WRN: variants seen among roughly 807,000 people sequenced by gnomAD.
WRN encodes WRN RecQ like helicase.
Under a neutral mutation model 180.7 loss-of-function variants are expected in WRN, and 149 were observed. The observed-to-expected ratio is 0.82, with a 90% CI of 0.72 to 0.94. The LOEUF (loss-of-function observed/expected upper bound fraction) is 0.94. Among genes scored for constraint, WRN ranks in the 40% least tolerant of loss-of-function variants. The pLI, the probability that WRN is intolerant of heterozygous loss-of-function variation, is 0.00. For missense variants in WRN, 1,661 were observed against 1,700.1 expected (o/e 0.98, Z 0.40); for synonymous variants, 548 against 568.9 (o/e 0.96, Z 0.52).
At position 31,116,529 on chromosome 8, in the gene WRN, G is replaced by A. The variant is rs2130306367; in HGVS notation, c.2448+1G>A. ...TAGGTTTGTAAGAGATGAAATTCAG[G>A]TATGAGGATCAATCATCATTGCTCT... On this transcript the variant is annotated splice_donor_variant, in intron 20 of 34. Transcript: ENST00000298139. LOFTEE classifies it high-confidence loss of function. The A allele has an allele frequency of 1.9e-6, 3 of 1,613,654 alleles. No homozygotes were observed. The highest frequency in any genetic ancestry group is 1.7e-6 in the Non-Finnish European group (2 of 1,179,812).
intron 16 of WRN, among the ~76,000 whole-genome samples, chr8:31,092,415 C>T (rs748868135): frequency 1.1e-4 from 16 of 148,718 alleles, no homozygotes; most frequent in Non-Finnish European, 1.5e-5. Context: ...AATGTCATCT[C>T]AGATACACAT....
intron 30 of WRN, 117 bp from the exon 31 acceptor site, chr8:31,150,224 C>G (rs1235226511): frequency 4.8e-6 from 4 of 836,482 alleles, no homozygotes; most frequent in African/African-American, 3.4e-5. Context: ...GTTGGAAAAA[C>G]TATACATTTA....
chr8:31,094,934 C>T (rs1489973205), intron 16 of WRN, among the ~76,000 whole-genome samples: 1 of 152,008 alleles, frequency 6.6e-6, no homozygotes, highest in African/African-American at 2.4e-5. Context: ...ATTTGTGTAC[C>T]AATTTTTTTA....
At chr8:31,138,799 T>C (rs1019873670) in intron 24 of WRN, among the ~76,000 whole-genome samples, 15 of 152,192 alleles carry the variant, frequency 9.9e-5, no homozygotes, top group Non-Finnish European at 1.9e-4. Context: ...ACAGATTCTC[T>C]TAACTATACC....
intron 23 of WRN, among the ~76,000 whole-genome samples, chr8:31,130,865 A>G (rs1233842018): frequency 2.0e-5 from 3 of 152,160 alleles, no homozygotes; most frequent in Non-Finnish European, 4.4e-5. Flanking sequence ...TTTTGCTAAA[A>G]CTATGACAGC....
Position 31,067,139 on chromosome 8 carries a change from C to T in WRN, c.611C>T (p.Pro204Leu), listed in dbSNP as rs1563331362. The T allele has an allele frequency of 1.2e-6, 2 of 1,613,886 alleles. No individual in the cohort carries two copies. The highest frequency in any genetic ancestry group is 8.5e-7 in the Non-Finnish European group (1 of 1,179,942). Residue 204 changes from proline (P) to leucine (L), a missense_variant, in exon 6 of 35, where the codon CCT becomes CTT. Physicochemically the swap from Pro to Leu is moderately conservative, Grantham distance 98. Around this residue, in one of 3 missense-constraint regions of WRN, gnomAD observed 500 missense variants for 504.1 expected, o/e 0.99. Coordinates refer to ENST00000298139, the MANE Select transcript of WRN (RefSeq NM_000553.6). ...SIRCSNWSKF[P>L]LTEDQKLYAA... is the part of the protein sequence containing the mutation. ...CGCTGTAGCAATTGGAGTAAATTTC[C>T]TCTCACTGAGGACCAGAAACTGTAT...
At position 31,162,948 on chromosome 8, in the gene WRN, T is replaced by TA. The variant is rs566116314; in HGVS notation, c.3983-4071dup. 1.3e-4 allele frequency among the ~76,000 whole-genome samples: 20 copies of TA among 152,360 alleles called. No homozygotes were observed. The South Asian group carries it at 3.7e-3, about 28-fold the overall frequency. On this transcript the variant is annotated intron_variant, in intron 33 of 34. Coordinates refer to ENST00000298139, the MANE Select transcript of WRN (RefSeq NM_000553.6). ...TTTATGGTGTCTTAAAAGTACCCTCTAAATATGATTATTTTTATAGTCTGT... is the reference window on the plus strand; with the variant it reads ...TTTATGGTGTCTTAAAAGTACCCTCTAAAATATGATTATTTTTATAGTCTGT...
Position 31,141,728 on chromosome 8 carries a change from C to A in WRN, c.3186C>A (p.Ile1062=). 1 of 1,614,134 alleles carries A rather than the reference C, an allele frequency of 6.2e-7. No individual in the cohort carries two copies. ...CTAATACAGAATCTCAGAGCCTCAT[C>A]CTTCAAGCTAATGAAGAATTGTGTC... ...HKANTESQSL[I]LQANEELCPK... Residue 1062 remains isoleucine (I), a synonymous_variant, in exon 26 of 35, where the codon ATC becomes ATA. Transcript: ENST00000298139.
At position 31,090,921 on chromosome 8, in the gene WRN, A is replaced by G. The variant is rs1432148659; in HGVS notation, c.1808A>G (p.Glu603Gly). 1.2e-6 allele frequency: 2 copies of G among 1,612,782 alleles called. No homozygotes were observed. Among genetic ancestry groups the G allele is most frequent in the Admixed American group, 3.3e-5 (2 of 59,978 alleles). The change falls in exon 15 of 35, where the codon GAA becomes GGA. Residue 603 changes from glutamate to glycine, a missense_variant. Physicochemically the swap from Glu to Gly is moderately conservative, Grantham distance 98. This residue lies in a region of WRN where 1,141 missense variants were observed against 1,149.4 expected (regional missense o/e 0.99). Coordinates refer to ENST00000298139, the MANE Select transcript of WRN (RefSeq NM_000553.6). Reference protein sequence around the residue: ...LVISPLISLMEDQVLQLKMSN... With the variant: ...LVISPLISLMGDQVLQLKMSN... ...ATCTCTCCCCTTATTTCTCTGATGGAAGACCAAGTGCTACAGCTTAAGTAA... is the reference window on the plus strand; with the variant it reads ...ATCTCTCCCCTTATTTCTCTGATGGGAGACCAAGTGCTACAGCTTAAGTAA...
chr8:31,067,876 T>C (rs1204861553), intron 6 of WRN, among the ~76,000 whole-genome samples: 1 of 152,198 alleles, frequency 6.6e-6, no homozygotes, highest in Non-Finnish European at 1.5e-5. Flanking sequence ...AATTCACTTT[T>C]GTTAGGGAAA....
At chr8:31,044,459 C>T (rs761893481) in intron 1 of WRN, among the ~76,000 whole-genome samples, 3 of 147,466 alleles carry the variant, frequency 2.0e-5, no homozygotes, top group Admixed American at 7.1e-5. Flanking sequence ...CAGGTTCAAG[C>T]GATTCTCCTG....
intron 5 of WRN, 27 bp downstream of exon 5, chr8:31,065,090 A>G: frequency 1.9e-6 from 3 of 1,601,538 alleles, no homozygotes; most frequent in African/African-American, 1.3e-5. Flanking sequence ...TATAATTTTC[A>G]TGATGAAGAT....
At chr8:31,128,466 A>G (rs1464749681) in intron 23 of WRN, among the ~76,000 whole-genome samples, 1 of 152,178 alleles carries the variant, frequency 6.6e-6, no homozygotes, top group Non-Finnish European at 1.5e-5. Flanking sequence ...ATCTGGAGTG[A>G]TTAACCTTTC....
At chr8:31,097,720 G>A (rs1001316168) in intron 17 of WRN, among the ~76,000 whole-genome samples, 4 of 151,878 alleles carry the variant, frequency 2.6e-5, no homozygotes, top group Non-Finnish European at 2.9e-5. Flanking sequence ...TGAAGGCTGC[G>A]GTGAGCCAAG....
At chr8:31,089,282 G>A (rs925021671) in intron 13 of WRN, among the ~76,000 whole-genome samples, 1 of 151,952 alleles carries the variant, frequency 6.6e-6, no homozygotes, top group Non-Finnish European at 1.5e-5. Context: ...GAGTGTCTAT[G>A]TGCCTGTTTT....
At chr8:31,088,178 A>G (rs1007286467) in intron 12 of WRN, among the ~76,000 whole-genome samples, 3 of 152,206 alleles carry the variant, frequency 2.0e-5, no homozygotes, top group African/African-American at 7.2e-5. Context: ...AAATCATTAT[A>G]GCTCTCATTT....
At chr8:31,139,930 A>G (rs560695550) in intron 24 of WRN, among the ~76,000 whole-genome samples, 14 of 151,364 alleles carry the variant, frequency 9.2e-5, no homozygotes, top group Non-Finnish European at 1.3e-4. Flanking sequence ...TTGAATTACA[A>G]TCGGCCACAT....
intron 33 of WRN, among the ~76,000 whole-genome samples, chr8:31,160,987 CAAAA>C (rs35397047): frequency 7.1e-6 from 1 of 141,610 alleles, no homozygotes; most frequent in Non-Finnish European, 1.5e-5. Context: ...GACTCTGTCT[CAAAA>C]AAAAAAAAAT....
At chr8:31,127,053 C>G (rs561937307) in intron 23 of WRN, among the ~76,000 whole-genome samples, 5 of 152,146 alleles carry the variant, frequency 3.3e-5, no homozygotes, top group Non-Finnish European at 7.4e-5. Context: ...CATAGTGTTA[C>G]AACCATTAGA....
Sources: allele counts gnomAD v4.1 joint callset (sites outside exome capture counted in the v4.1 genomes callset), GRCh38; gene constraint gnomAD v4.1.1; regional missense constraint gnomAD v4.1.1; transcripts MANE v1.5; gene names NCBI Gene and HGNC (gene_info 2026-07-23, HGNC 2026-07-21).